SEPSECS: variants seen among roughly 807,000 people sequenced by gnomAD.
SEPSECS encodes O-phosphoseryl-tRNA(Sec) selenium transferase.
Under a neutral mutation model 52.1 loss-of-function variants are expected in SEPSECS, and 42 were observed. That is an observed-to-expected ratio of 0.81 (90% CI 0.63 to 1.04). SEPSECS has a LOEUF of 1.04. SEPSECS is among the 50% of genes least tolerant of loss of function. SEPSECS has a pLI of 0.00. For missense variants in SEPSECS, 590 were observed against 610.6 expected (o/e 0.97, Z 0.36); for synonymous variants, 216 against 211.4 (o/e 1.02, Z -0.19).
chr4:25,126,333 G>A (rs1481387809), intron 9 of SEPSECS, among the ~76,000 whole-genome samples: 2 of 152,022 alleles, frequency 1.3e-5, no homozygotes, highest in East Asian at 3.8e-4. Context: ...TCAGAGGCTA[G>A]GACATGGAAG....
At chr4:25,157,021 CGAG>C in intron 2 of SEPSECS, 47 bp from the exon 3 acceptor site, 1 of 978,946 alleles carries the variant, frequency 1.0e-6, no homozygotes, top group South Asian at 1.3e-5. Context: ...TTCAGCATTC[CGAG>C]TAATACAATG....
rs78325677 is a variant in SEPSECS, at chr4:25,147,448, A to G, written c.805-2315T>C. ...GTGACAATTGGGTTTGTGAATAAAC[A>G]GTAGTAATACCTACTTCTCTCAAAT... On this transcript the variant is annotated intron_variant, in intron 6 of 10. Transcript: ENST00000382103. Among the ~76,000 whole-genome samples, 1,454 of 152,352 alleles carry G rather than the reference A, an allele frequency of 9.5e-3. 26 individuals are homozygous for G. The highest frequency in any genetic ancestry group is 0.033 in the African/African-American group (1,366 of 41,574).
intron 2 of SEPSECS, among the ~76,000 whole-genome samples, chr4:25,157,852 C>A (rs1278836753): frequency 6.6e-6 from 1 of 152,078 alleles, no homozygotes; most frequent in African/African-American, 2.4e-5. Flanking sequence ...GCCAAATTAT[C>A]TTTTTTCTTT....
At chr4:25,144,134 T>A (rs1479600547) in intron 8 of SEPSECS, among the ~76,000 whole-genome samples, 2 of 150,514 alleles carry the variant, frequency 1.3e-5, no homozygotes. Flanking sequence ...AGGTCAGGAG[T>A]TGGAGATCAG....
chr4:25,156,402 TTA>T (rs1322180643), intron 3 of SEPSECS, among the ~76,000 whole-genome samples: 1 of 2,434 alleles, frequency 4.1e-4, no homozygotes, highest in Non-Finnish European at 4.9e-3. Context: ...GACTTTTTAT[TTA>T]AAAAAAAAAA....
At chr4:25,156,500 C>T (rs1016888971) in intron 3 of SEPSECS, among the ~76,000 whole-genome samples, 2 of 151,510 alleles carry the variant, frequency 1.3e-5, no homozygotes, top group South Asian at 2.1e-4. Flanking sequence ...GTCAGGAGAT[C>T]GAGACCATCC....
At chr4:25,133,980 T>C (rs187345728) in intron 8 of SEPSECS, among the ~76,000 whole-genome samples, 2 of 150,622 alleles carry the variant, frequency 1.3e-5, no homozygotes, top group Non-Finnish European at 3.0e-5. Context: ...AAATTTAGAC[T>C]GGCATGGCGG....
Position 25,144,752 on chromosome 4 carries a change from G to A in SEPSECS, c.1026+22C>T, listed in dbSNP as rs778158691. The A allele has an allele frequency of 1.4e-5, 21 of 1,522,128 alleles. No individual in the cohort carries two copies. The East Asian group carries it at 4.5e-4, about 33-fold the overall frequency. 94.3% of individuals were successfully genotyped at this position (1,522,128 alleles called of 1,614,324 possible). A position where few individuals can be genotyped will look rare whatever the true frequency, so the allele number is the denominator to read the frequency against. On this transcript the variant is annotated intron_variant, in intron 8 of 10. Transcript: ENST00000382103. Reference sequence around the variant, plus strand: ...ACAGTTCTAGTCAAGAATGTTATTCGACACCTAAAGGGAAAGCTTACCTTT... The same window carrying A: ...ACAGTTCTAGTCAAGAATGTTATTCAACACCTAAAGGGAAAGCTTACCTTT...
rs193096404 is a variant in SEPSECS at position 25,159,046 on chromosome 4, G to T, written c.176C>A (p.Ala59Glu). 1 of 1,612,900 alleles carries T rather than the reference G, an allele frequency of 6.2e-7. No homozygotes were observed. Among genetic ancestry groups the T allele is most frequent in the South Asian group, 1.1e-5 (1 of 91,068 alleles). The stretch of plus-strand genomic sequence containing the variant: ...TAAGAAATTGTTGCTGTCCATGATT[G>T]CAAGTTCATGTAAAAAGAGTTCAAG... ...STLELFLHEL[A>E]IMDSNNFLGN... is the part of the protein sequence containing the mutation. The change falls in exon 2 of 11, where the codon GCA becomes GAA. Residue 59 changes from alanine to glutamate, a missense_variant. By Grantham distance (107) the Ala-to-Glu change is moderately radical (BLOSUM62 -1). Coordinates refer to ENST00000382103, the MANE Select transcript of SEPSECS (RefSeq NM_016955.4).
At chr4:25,130,569 T>C (rs1728568905) in intron 8 of SEPSECS, among the ~76,000 whole-genome samples, 2 of 152,298 alleles carry the variant, frequency 1.3e-5, no homozygotes, top group African/African-American at 2.4e-5. Context: ...TTAAAAAAAT[T>C]TGAAGCAAGT....
Position 25,155,001 on chromosome 4 carries a change from T to A in SEPSECS, c.698A>T (p.Asp233Val), listed in dbSNP as rs1228620903. The A allele has an allele frequency of 3.1e-6, 5 of 1,613,932 alleles. No homozygotes were observed. Among genetic ancestry groups the A allele is most frequent in the Non-Finnish European group, 4.2e-6 (5 of 1,179,942 alleles). The stretch of plus-strand genomic sequence containing the variant: ...ACAATATTCACAAATCATTTACCTA[T>A]CAGGCACCCTTGGAGCAAAACAGGA... ...TTSCFAPRVP[D>V]RLEELAVICA... Residue 233 changes from aspartate (D) to valine (V), a missense_variant, in exon 5 of 11, where the codon GAT (aspartate) becomes GTT (valine). Coordinates refer to ENST00000382103, the MANE Select transcript of SEPSECS (RefSeq NM_016955.4).
rs1712690513 is a variant in SEPSECS, at chr4:25,156,869, A to G, written c.375T>C (p.Ile125=). ...NKITNSLVLD[I]IKLAGVHTVA... Reference sequence around the variant, plus strand: ...GACGGTACATACCAGCCAGCTTTATAATGTCCAGGACCAAAGAATTGGTAA... The same window carrying G: ...GACGGTACATACCAGCCAGCTTTATGATGTCCAGGACCAAAGAATTGGTAA... Residue 125 remains isoleucine (I), a synonymous_variant, in exon 3 of 11, where the codon ATT becomes ATC. Transcript: ENST00000382103. 1.9e-6 allele frequency: 3 copies of G among 1,587,120 alleles called. No homozygotes were observed. The highest frequency in any genetic ancestry group is 2.7e-5 in the African/African-American group (2 of 74,472).
At chr4:25,155,210 G>A in intron 4 of SEPSECS, 59 bp from the exon 5 acceptor site, 1 of 1,552,124 alleles carries the variant, frequency 6.4e-7, no homozygotes. Context: ...GGAAGATCCT[G>A]AAACTCTAGG....
At position 25,127,128 on chromosome 4, in the gene SEPSECS, T is replaced by A. The variant is rs917266963; in HGVS notation, c.1120+136A>T. 12 of 651,188 alleles carry A rather than the reference T, an allele frequency of 1.8e-5. No individual in the cohort carries two copies. In the East Asian group the frequency reaches 3.3e-4, roughly 18 times the overall value. The allele number at this position is 651,188 out of a possible 1,614,324, so 40.3% of individuals were successfully genotyped here. A position where few individuals can be genotyped will look rare whatever the true frequency, so the allele number is the denominator to read the frequency against. On this transcript the variant is annotated intron_variant, in intron 9 of 10. Coordinates refer to ENST00000382103, the MANE Select transcript of SEPSECS (RefSeq NM_016955.4). ...CAAAAGCCTAACTAAACTTTTTCAA[T>A]TTACAAATTAAAATACTGTGATGAA... is the stretch of plus-strand genomic sequence containing the variant.
At chr4:25,137,765 T>G (rs890692455) in intron 8 of SEPSECS, among the ~76,000 whole-genome samples, 1 of 152,138 alleles carries the variant, frequency 6.6e-6, no homozygotes, top group African/African-American at 2.4e-5. Flanking sequence ...TACATGCACA[T>G]GTATGTTCAA....
At chr4:25,142,547 C>T (rs1401605623) in intron 8 of SEPSECS, among the ~76,000 whole-genome samples, 1 of 152,166 alleles carries the variant, frequency 6.6e-6, no homozygotes, top group East Asian at 1.9e-4. Context: ...TGACACATGA[C>T]ATGTGGTCAA....
At chr4:25,142,933 A>C (rs1406489739) in intron 8 of SEPSECS, among the ~76,000 whole-genome samples, 1 of 152,206 alleles carries the variant, frequency 6.6e-6, no homozygotes, top group Non-Finnish European at 1.5e-5. Context: ...ACAAATGGGG[A>C]AATAAAATCT....
intron 6 of SEPSECS, among the ~76,000 whole-genome samples, chr4:25,147,527 G>A (rs1712036626): frequency 6.6e-6 from 1 of 152,160 alleles, no homozygotes; most frequent in East Asian, 1.9e-4. Context: ...ACAATCCATT[G>A]TGACTCAAAA....
chr4:25,144,905 G>C, intron 7 of SEPSECS, 40 bp from the exon 8 acceptor site: 2 of 1,590,586 alleles, frequency 1.3e-6, no homozygotes, highest in Non-Finnish European at 1.7e-6. Context: ...ACTGTGGTGG[G>C]GGGGTAGCTT....
Sources: gnomAD v4.1 joint callset for allele counts (sites outside exome capture counted in the v4.1 genomes callset) on GRCh38, gnomAD v4.1.1 for gene constraint, MANE v1.5 for transcripts, NCBI Gene and HGNC (gene_info 2026-07-23, HGNC 2026-07-21) for gene names.